Variants in TEX15 observed in about 807,000 individuals in gnomAD.
TEX15 encodes testis-expressed protein 15.
In TEX15, 171 loss-of-function variants were observed where a neutral mutation model predicts 237.3. The observed-to-expected ratio is 0.72, with a 90% CI of 0.64 to 0.82. The LOEUF (loss-of-function observed/expected upper bound fraction) is 0.82. Among genes scored for constraint, TEX15 ranks in the 40% least tolerant of loss-of-function variants. TEX15 has a pLI of 0.00. For synonymous variants in TEX15, 1,338 were observed against 1,269.8 expected (o/e 1.05, Z -1.14); for missense variants, 3,750 against 3,646.5 (o/e 1.03, Z -0.73).
chr8:30,885,608 C>T (rs1299767307), intron 3 of TEX15, among the ~76,000 whole-genome samples: 4 of 152,072 alleles, frequency 2.6e-5, no homozygotes, highest in African/African-American at 9.7e-5. Context: ...TATTTCAAGT[C>T]TCTTAACGTG....
In TEX15 at chr8:30,846,657, C is replaced by A; in HGVS notation, c.3510G>T (p.Pro1170=). The A allele has an allele frequency of 6.2e-7, 1 of 1,613,824 alleles. No individual in the cohort carries two copies. Among genetic ancestry groups the A allele is most frequent in the Non-Finnish European group, 8.5e-7 (1 of 1,179,808 alleles). ...ITNIFRPGFS[P]TADSLALKDS... ...CTTTCAATGCAAGGGAGTCAGCTGT[C>A]GGGCTGAATCCTGGCCTAAATATAT... Residue 1170 remains proline (P), a synonymous_variant, in exon 8 of 11, where the codon CCG becomes CCT. Transcript: ENST00000643185.
At chr8:30,882,877 TCCTC>T (rs1808558795) in intron 3 of TEX15, among the ~76,000 whole-genome samples, 1 of 152,154 alleles carries the variant, frequency 6.6e-6, no homozygotes, top group African/African-American at 2.4e-5. Context: ...GCTCAAGTGA[TCCTC>T]CCACCTCAGC....
At chr8:30,869,530 TC>T (rs543083781) in intron 4 of TEX15, among the ~76,000 whole-genome samples, 11 of 151,762 alleles carry the variant, frequency 7.2e-5, no homozygotes, top group Non-Finnish European at 1.3e-4. Flanking sequence ...TTATACTAAC[TC>T]CCCCCAAATT....
At chr8:30,895,318 A>G (rs1808877471) in intron 2 of TEX15, among the ~76,000 whole-genome samples, 1 of 151,598 alleles carries the variant, frequency 6.6e-6, no homozygotes, top group Non-Finnish European at 1.5e-5. Context: ...AAAAAAAAAA[A>G]AAAAGACTGT....
intron 4 of TEX15, among the ~76,000 whole-genome samples, chr8:30,874,398 GCT>G (rs530947738): frequency 3.5e-4 from 53 of 152,266 alleles, no homozygotes; most frequent in African/African-American, 1.3e-3. Context: ...CTTTGCATAT[GCT>G]CTTATTCTTA....
chr8:30,837,864 T>C lies in TEX15; in HGVS notation c.8420A>G (p.His2807Arg), dbSNP rs1251946063. The C allele has an allele frequency of 4.3e-6, 7 of 1,614,158 alleles. No homozygotes were observed. Among genetic ancestry groups the C allele is most frequent in the Non-Finnish European group, 5.9e-6 (7 of 1,180,016 alleles). ...TAAATTTTCCTGTTGTCCACTGAAG[T>C]GATCAGATGAAACAGTTAAGTCTAT... Reference protein sequence around the residue: ...SKIDLTVSSDHFSGQQENLNS... With the variant: ...SKIDLTVSSDRFSGQQENLNS... The change falls in exon 10 of 11, where the codon CAC (histidine) becomes CGC (arginine). Residue 2807 changes from histidine (H) to arginine (R), a missense_variant. Coordinates refer to ENST00000643185, the MANE Select transcript of TEX15 (RefSeq NM_001350162.2).
rs769217733 is a variant in TEX15 at position 30,832,702 on chromosome 8, T to C, written c.*584A>G. 8.5e-5 allele frequency: 13 copies of C among 152,164 alleles called. No homozygotes were observed. Among genetic ancestry groups the C allele is most frequent in the Non-Finnish European group, 1.6e-4 (11 of 67,994 alleles). The allele number at this position is 152,164 out of a possible 1,614,324, so 9.4% of individuals were successfully genotyped here. ...GAAATGGCTCTTGTAGAAAAAGGCA[T>C]TGAAAGTGCTTCATTGCCAATATAA... On this transcript the variant is annotated 3_prime_UTR_variant, in exon 11 of 11. Transcript: ENST00000643185.
chr8:30,837,474 G>A lies in TEX15; in HGVS notation c.8810C>T (p.Pro2937Leu), dbSNP rs764793393. The A allele has an allele frequency of 6.2e-7, 1 of 1,613,884 alleles. No homozygotes were observed. The highest frequency in any genetic ancestry group is 8.5e-7 in the Non-Finnish European group (1 of 1,179,864). Residue 2937 changes from proline (P) to leucine (L), a missense_variant, in exon 10 of 11, where the codon CCA becomes CTA. Physicochemically the swap from Pro to Leu is moderately conservative, Grantham distance 98. Coordinates refer to ENST00000643185, the MANE Select transcript of TEX15 (RefSeq NM_001350162.2). The part of the protein sequence containing the change: ...SIKNSSCMTS[P>L]EPICIQNKIP... The stretch of plus-strand genomic sequence containing the variant: ...TTTGTTCTGGATACAGATGGGTTCT[G>A]GAGAAGTCATGCATGAGGAATTTTT...
chr8:30,880,173 C>T (rs896655528), intron 3 of TEX15, among the ~76,000 whole-genome samples: 4 of 151,956 alleles, frequency 2.6e-5, no homozygotes, highest in Non-Finnish European at 4.4e-5. Context: ...GGATTATAGG[C>T]ACCCACCACC....
In TEX15 at chr8:30,833,184, A is replaced by T; in HGVS notation, c.*102T>A. 1.4e-6 allele frequency: 1 copy of T among 730,036 alleles called. No homozygotes were observed. Among genetic ancestry groups the T allele is most frequent in the Non-Finnish European group, 2.3e-6 (1 of 439,414 alleles). 45.2% of individuals were successfully genotyped at this position (730,036 alleles called of 1,614,324 possible). On this transcript the variant is annotated 3_prime_UTR_variant, in exon 11 of 11. Transcript: ENST00000643185. ...GACCATATGATTTATATTTCCTACC[A>T]CATTTACAAACATTAAAAATCGCTA...
intron 3 of TEX15, among the ~76,000 whole-genome samples, chr8:30,882,732 G>A (rs1585306754): frequency 2.0e-5 from 3 of 152,218 alleles, no homozygotes; most frequent in South Asian, 2.1e-4. Flanking sequence ...TTGATTGACA[G>A]TGTTAGATTC....
intron 5 of TEX15, among the ~76,000 whole-genome samples, chr8:30,861,456 C>A (rs1474458130): frequency 6.6e-6 from 1 of 152,082 alleles, no homozygotes; most frequent in Non-Finnish European, 1.5e-5. Context: ...TAGATTAGTA[C>A]GTTCATTCAA....
rs745780952 is a variant in TEX15 at position 30,837,940 on chromosome 8, A to T, written c.8344T>A (p.Leu2782Ile). The T allele has an allele frequency of 6.2e-7, 1 of 1,614,180 alleles. No homozygotes were observed. Among genetic ancestry groups the T allele is most frequent in the South Asian group, 1.1e-5 (1 of 91,084 alleles). ...GTGTCTTTTGGGTTCTCTAAGGGTA[A>T]AAGTGAGCCAGGTAGTGATCTTTGC... The part of the protein sequence containing the change: ...EMQRSLPGSL[L>I]PLENPKDTCA... The change falls in exon 10 of 11, where the codon TTA (leucine) becomes ATA (isoleucine). Residue 2782 changes from leucine to isoleucine, a missense_variant. Leu to Ile is a conservative substitution (Grantham distance 5, BLOSUM62 2). Transcript: ENST00000643185.
rs1246197555 is a variant in TEX15 at position 30,849,227 on chromosome 8, G to C, written c.940C>G (p.Pro314Ala). The change falls in exon 8 of 11, where the codon CCT (proline) becomes GCT (alanine). Residue 314 changes from proline to alanine, a missense_variant. Pro to Ala is a conservative substitution (Grantham distance 27). Transcript: ENST00000643185. ...ATVTFVHFKK[P>A]VDPFVQENCL... ...TTTTCTTGAACAAATGGATCTACAG[G>C]TTTCTTGAAATGCACAAAGGTGACA... 2 of 1,536,076 alleles carry C rather than the reference G, an allele frequency of 1.3e-6. No homozygotes were observed.
chr8:30,908,836 C>T (rs1043714027), intron 1 of TEX15, among the ~76,000 whole-genome samples: 7 of 152,180 alleles, frequency 4.6e-5, no homozygotes, highest in Admixed American at 3.3e-4. Flanking sequence ...ACAATCCACA[C>T]ATTTTTGCAT....
chr8:30,895,235 C>T (rs1367472057), intron 2 of TEX15, among the ~76,000 whole-genome samples: 1 of 129,406 alleles, frequency 7.7e-6, no homozygotes, highest in African/African-American at 2.9e-5. Flanking sequence ...AAATGACTGT[C>T]AACAGTGAGC....
At chr8:30,884,313 T>C (rs1278096714) in intron 3 of TEX15, among the ~76,000 whole-genome samples, 1 of 152,218 alleles carries the variant, frequency 6.6e-6, no homozygotes. Context: ...CTAAGTTCTT[T>C]AACTTGTTTT....
rs939771150 is a variant in TEX15, at chr8:30,845,606, C to T, written c.4561G>A (p.Val1521Ile). ...NQEHPESQLPVSSTSQSTSQS... is the reference protein window; with the variant it reads ...NQEHPESQLPISSTSQSTSQS... Reference sequence around the variant, plus strand: ...CTTGTACTTTGGGATGTGGAGGATACAGGCAACTGTGATTCAGGATGTTCT... The same window carrying T: ...CTTGTACTTTGGGATGTGGAGGATATAGGCAACTGTGATTCAGGATGTTCT... The change falls in exon 8 of 11, where the codon GTA becomes ATA. Residue 1521 changes from valine to isoleucine, a missense_variant. Physicochemically the swap from Val to Ile is conservative, Grantham distance 29. Transcript: ENST00000643185. 3 of 1,613,486 alleles carry T rather than the reference C, an allele frequency of 1.9e-6. No homozygotes were observed. Among genetic ancestry groups the T allele is most frequent in the Non-Finnish European group, 2.5e-6 (3 of 1,179,632 alleles).
chr8:30,889,359 G>A (rs1808734216), intron 2 of TEX15, among the ~76,000 whole-genome samples: 2 of 152,164 alleles, frequency 1.3e-5, no homozygotes, highest in African/African-American at 4.8e-5. Context: ...GGCTGAGGCA[G>A]AAGAATCACT....
Sources: allele counts gnomAD v4.1 joint callset (sites outside exome capture counted in the v4.1 genomes callset), GRCh38; gene constraint gnomAD v4.1.1; transcripts MANE v1.5; gene names NCBI Gene and HGNC (gene_info 2026-07-23, HGNC 2026-07-21).